The following KBTBD3 variants were observed in gnomAD, a reference collection of about 807,000 sequenced individuals.
The protein encoded by KBTBD3 is kelch repeat and BTB domain-containing protein 3.
A neutral mutation model predicts 49.6 loss-of-function variants in KBTBD3; 38 were observed. The ratio of observed to expected loss-of-function variants is 0.77; its 90% CI spans 0.59 to 1.00. The LOEUF (loss-of-function observed/expected upper bound fraction) is 1.00. Among genes scored for constraint, KBTBD3 ranks in the 50% least tolerant of loss-of-function variants. The probability of loss-of-function intolerance (pLI) is 0.00; values close to 1 mark genes in which losing one functional copy is unlikely to be tolerated. For synonymous variants in KBTBD3, 214 were observed against 250.4 expected (o/e 0.85, Z 1.37); for missense variants, 661 against 712.0 (o/e 0.93, Z 0.81).
In KBTBD3 at chr11:106,064,455, G is replaced by A. The variant is rs112129547; in HGVS notation, c.-12-5346C>T. ...AGCTACTCGAGAGGCTCACCGAGAG[G>A]ATCGCTTGAGCCTGGGAGGCAGAGG... On this transcript the variant is annotated intron_variant, in intron 2 of 3. Transcript: ENST00000531837. Among the ~76,000 whole-genome samples, 497 of 151,984 alleles carry A rather than the reference G, an allele frequency of 3.3e-3. 2 individuals carry two copies. Among genetic ancestry groups the A allele is most frequent in the African/African-American group, 0.011 (473 of 41,468 alleles).
intron 2 of KBTBD3, among the ~76,000 whole-genome samples, chr11:106,074,721 G>A (rs1860995832): frequency 6.6e-6 from 1 of 152,146 alleles, no homozygotes; most frequent in Non-Finnish European, 1.5e-5. Context: ...TATTTCAGAT[G>A]AAAAATGATG....
At chr11:106,074,279 T>C (rs954958236) in intron 2 of KBTBD3, among the ~76,000 whole-genome samples, 1 of 152,176 alleles carries the variant, frequency 6.6e-6, no homozygotes, top group Non-Finnish European at 1.5e-5. Context: ...CATTCCATTT[T>C]TCTACTTCCT....
chr11:106,058,435 GT>G (rs1860604035), intron 3 of KBTBD3, among the ~76,000 whole-genome samples: 1 of 149,718 alleles, frequency 6.7e-6, no homozygotes, highest in South Asian at 2.1e-4. Context: ...TTTTGTTTTT[GT>G]TTTTTTGAGA....
At chr11:106,058,712 C>G in intron 3 of KBTBD3, 153 bp downstream of exon 3, 5 of 596,714 alleles carry the variant, frequency 8.4e-6, no homozygotes, top group Non-Finnish European at 1.4e-5. Context: ...GCGTGAGCCA[C>G]CGTGCCCAGC....
At chr11:106,066,239 G>A (rs997752932) in intron 2 of KBTBD3, among the ~76,000 whole-genome samples, 3 of 152,146 alleles carry the variant, frequency 2.0e-5, no homozygotes, top group Non-Finnish European at 4.4e-5. Flanking sequence ...GGTAAACACT[G>A]ATAGGCAAAC....
At position 106,053,647 on chromosome 11, in the gene KBTBD3, C is replaced by G; in HGVS notation, c.1042G>C (p.Gly348Arg). 3 of 1,613,852 alleles carry G rather than the reference C, an allele frequency of 1.9e-6. No individual in the cohort carries two copies. The highest frequency in any genetic ancestry group is 2.5e-6 in the Non-Finnish European group (3 of 1,179,904). Residue 348 changes from glycine to arginine, a missense_variant, in exon 4 of 4, where the codon GGT (glycine) becomes CGT (arginine). Coordinates refer to ENST00000531837, the MANE Select transcript of KBTBD3 (RefSeq NM_198439.3). ...SSYGEKIFLTGGCKGKCCRTV... is the reference protein window; with the variant it reads ...SSYGEKIFLTRGCKGKCCRTV... ...CGACAACATTTCCCTTTGCAACCAC[C>G]TGTCAAGAATATTTTCTCTCCGTAA...
At chr11:106,074,112 A>T (rs1397762051) in intron 2 of KBTBD3, among the ~76,000 whole-genome samples, 1 of 73,698 alleles carries the variant, frequency 1.4e-5, no homozygotes, top group Non-Finnish European at 4.3e-5. Context: ...AATGCCGAAC[A>T]CCCCCCCCCA....
chr11:106,055,780 A>G (rs1461948060), intron 3 of KBTBD3, among the ~76,000 whole-genome samples: 1 of 152,320 alleles, frequency 6.6e-6, no homozygotes, highest in East Asian at 1.9e-4. Context: ...AGAAGAATAA[A>G]TGGGTTAACT....
At chr11:106,055,624 A>G (rs1350420340) in intron 3 of KBTBD3, among the ~76,000 whole-genome samples, 2 of 152,158 alleles carry the variant, frequency 1.3e-5, no homozygotes, top group African/African-American at 4.8e-5. Context: ...AGCTGGCTAT[A>G]TGGTCCATAG....
chr11:106,064,086 C>G (rs1391723255), intron 2 of KBTBD3, among the ~76,000 whole-genome samples: 1 of 152,110 alleles, frequency 6.6e-6, no homozygotes, highest in Non-Finnish European at 1.5e-5. Flanking sequence ...ACAAGAGAAG[C>G]AGCTCTCTAA....
In KBTBD3 at chr11:106,060,226, G is replaced by A. The variant is rs556883235; in HGVS notation, c.-12-1117C>T. On this transcript the variant is annotated intron_variant, in intron 2 of 3. Coordinates refer to ENST00000531837, the MANE Select transcript of KBTBD3 (RefSeq NM_198439.3). ...GAAAAAATTTGATATAACTATATTC[G>A]ATATATCTATTTAATACACATATTC... 1.5e-3 allele frequency among the ~76,000 whole-genome samples: 223 copies of A among 150,570 alleles called. 3 individuals are homozygous for A. Among genetic ancestry groups the A allele is most frequent in the Non-Finnish European group, 1.8e-3 (121 of 67,728 alleles).
In KBTBD3 at chr11:106,054,140, TAAAGA is replaced by T; in HGVS notation, c.544_548del (p.Ser182IlefsTer3). The T allele has an allele frequency of 1.2e-6, 2 of 1,613,026 alleles. No individual in the cohort carries two copies. Among genetic ancestry groups the T allele is most frequent in the Non-Finnish European group, 8.5e-7 (1 of 1,179,406 alleles). On this transcript the variant is annotated frameshift_variant, in exon 4 of 4. Coordinates refer to ENST00000531837, the MANE Select transcript of KBTBD3 (RefSeq NM_198439.3). LOFTEE classifies it high-confidence loss of function. ...CTAAGAAATCACTGGATTTAAATAATAAAGAAAAGTGATGTTGTACAAAGTGTAAT... is the reference window on the plus strand; with the variant it reads ...CTAAGAAATCACTGGATTTAAATAATAAAGTGATGTTGTACAAAGTGTAAT...
chr11:106,065,183 T>A (rs1352036312), intron 2 of KBTBD3, among the ~76,000 whole-genome samples: 1 of 152,218 alleles, frequency 6.6e-6, no homozygotes, highest in Non-Finnish European at 1.5e-5. Flanking sequence ...AATTTTCGTA[T>A]TTTTAGTAGA....
At chr11:106,063,175 A>T (rs1860738753) in intron 2 of KBTBD3, among the ~76,000 whole-genome samples, 1 of 152,254 alleles carries the variant, frequency 6.6e-6, no homozygotes, top group African/African-American at 2.4e-5. Flanking sequence ...CTGACTTAAA[A>T]ACCAAAAACC....
In KBTBD3 at chr11:106,058,884, C is replaced by T. The variant is rs762923271; in HGVS notation, c.214G>A (p.Ala72Thr). The change falls in exon 3 of 4, where the codon GCA (alanine) becomes ACA (threonine). Residue 72 changes from alanine to threonine, a missense_variant. Ala to Thr is a moderately conservative substitution (Grantham distance 58, BLOSUM62 0). Coordinates refer to ENST00000531837, the MANE Select transcript of KBTBD3 (RefSeq NM_198439.3). ...AAGTACCTGAAAAAGTCACTGCATG[C>T]TGCTAACACACAACGATGACACGGG... ...IIPCHRCVLA[A>T]CSDFFRAMFE... 7 of 1,572,020 alleles carry T rather than the reference C, an allele frequency of 4.5e-6. No individual in the cohort carries two copies. The South Asian group carries it at 7.3e-5, about 16-fold the overall frequency.
chr11:106,061,125 G>C (rs1003832210), intron 2 of KBTBD3, among the ~76,000 whole-genome samples: 1 of 152,146 alleles, frequency 6.6e-6, no homozygotes, highest in African/African-American at 2.4e-5. Flanking sequence ...GTGGCTAGCT[G>C]GTGCTTCTTC....
At chr11:106,069,703 G>T (rs1187112758) in intron 2 of KBTBD3, among the ~76,000 whole-genome samples, 3 of 151,854 alleles carry the variant, frequency 2.0e-5, no homozygotes, top group Non-Finnish European at 4.4e-5. Context: ...CTGATATAAA[G>T]GTTTAACACA....
chr11:106,061,039 G>A (rs1860682787), intron 2 of KBTBD3, among the ~76,000 whole-genome samples: 1 of 152,122 alleles, frequency 6.6e-6, no homozygotes, highest in Non-Finnish European at 1.5e-5. Flanking sequence ...ACAGTTATGT[G>A]GCCAACAAAT....
In KBTBD3 at chr11:106,053,503, G is replaced by A. The variant is rs779284409; in HGVS notation, c.1186C>T (p.His396Tyr). Residue 396 changes from histidine to tyrosine, a missense_variant, in exon 4 of 4, where the codon CAT (histidine) becomes TAT (tyrosine). His to Tyr is a moderately conservative substitution (Grantham distance 83). Coordinates refer to ENST00000531837, the MANE Select transcript of KBTBD3 (RefSeq NM_198439.3). ...CTATCGAGAGCCATAACTGATGTAT[G>A]CATGGTTCTTGGTGTTTTCATAGTT... Reference protein sequence around the residue: ...VSTMKTPRTMHTSVMALDRLF... With the variant: ...VSTMKTPRTMYTSVMALDRLF... 7 of 1,613,590 alleles carry A rather than the reference G, an allele frequency of 4.3e-6. No individual in the cohort carries two copies. The highest frequency in any genetic ancestry group is 5.1e-6 in the Non-Finnish European group (6 of 1,179,842).
Sources: gnomAD v4.1 joint callset for allele counts (sites outside exome capture counted in the v4.1 genomes callset) on GRCh38, gnomAD v4.1.1 for gene constraint, MANE v1.5 for transcripts, NCBI Gene and HGNC (gene_info 2026-07-23, HGNC 2026-07-21) for gene names.